MYO3A: variants seen among roughly 807,000 people sequenced by gnomAD.
The protein encoded by MYO3A is myosin-IIIa.
MYO3A carries 180 observed loss-of-function variants against 192.7 expected under a neutral mutation model. The observed-to-expected ratio is 0.93, with a 90% CI of 0.83 to 1.06. MYO3A has a LOEUF of 1.06. Ranked by LOEUF, MYO3A falls within the 50% of genes least tolerant of loss-of-function variation. The pLI, the probability that MYO3A is intolerant of heterozygous loss-of-function variation, is 0.00. For missense variants in MYO3A, 1,896 were observed against 1,905.0 expected (o/e 1.00, Z 0.09); for synonymous variants, 628 against 645.3 (o/e 0.97, Z 0.41).
intron 4 of MYO3A, 81 bp downstream of exon 4, chr10:25,955,089 T>C (rs2130584157): frequency 1.3e-6 from 2 of 1,536,066 alleles, no homozygotes; most frequent in East Asian, 4.5e-5. Context: ...TTATGTAACA[T>C]TGATATCATA....
At chr10:26,151,548 G>A (rs1334842744) in intron 23 of MYO3A, among the ~76,000 whole-genome samples, 1 of 151,602 alleles carries the variant, frequency 6.6e-6, no homozygotes, top group Non-Finnish European at 1.5e-5. Flanking sequence ...TCAACTTATT[G>A]TTTTTCTTTA....
intron 15 of MYO3A, among the ~76,000 whole-genome samples, chr10:26,091,245 T>G (rs1169659089): frequency 6.6e-6 from 1 of 152,196 alleles, no homozygotes; most frequent in Non-Finnish European, 1.5e-5. Flanking sequence ...TTTGTTCTTT[T>G]CTTCGGTTTT....
rs774488338 is a variant in MYO3A at position 26,147,517 on chromosome 10, A to G, written c.2593A>G (p.Ser865Gly). 1.2e-6 allele frequency: 2 copies of G among 1,614,054 alleles called. No individual in the cohort carries two copies. The highest frequency in any genetic ancestry group is 1.7e-5 in the Admixed American group (1 of 60,022). The change falls in exon 23 of 35, where the codon AGT becomes GGT. Residue 865 changes from serine to glycine, a missense_variant. Transcript: ENST00000642920. ...GCTACTTTTGAGGTCATCCGACAAC[A>G]GTGTAATTAGGCAACTAGTCAACCA... The part of the protein sequence containing the change: ...IVLLLRSSDN[S>G]VIRQLVNHPL...
In MYO3A at chr10:26,120,820, C is replaced by A. The variant is rs928947252; in HGVS notation, c.1903+18C>A. The A allele has an allele frequency of 6.2e-7, 1 of 1,613,514 alleles. No homozygotes were observed. Among genetic ancestry groups the A allele is most frequent in the Non-Finnish European group, 8.5e-7 (1 of 1,179,626 alleles). ...GGAGAACTGTAAGTTTTATTACCTT[C>A]TATTCAAAACTGAAATCTTTCAAAT... On this transcript the variant is annotated intron_variant, in intron 18 of 34. Transcript: ENST00000642920.
intron 17 of MYO3A, among the ~76,000 whole-genome samples, chr10:26,097,749 C>T (rs557873053): frequency 6.8e-4 from 103 of 152,272 alleles, no homozygotes; most frequent in South Asian, 1.5e-3. Flanking sequence ...GTATTCCATG[C>T]TGTATATGTA....
intron 4 of MYO3A, among the ~76,000 whole-genome samples, chr10:25,993,619 A>G (rs947947418): frequency 1.3e-5 from 2 of 152,128 alleles, no homozygotes; most frequent in African/African-American, 4.8e-5. Context: ...TGTCAATTTT[A>G]GATCTTTCCT....
intron 10 of MYO3A, among the ~76,000 whole-genome samples, chr10:26,057,393 G>T (rs368890489): frequency 6.6e-6 from 1 of 152,132 alleles, no homozygotes; most frequent in Admixed American, 6.5e-5. Context: ...AAAAAAAGGC[G>T]ATGCTTCCAC....
At chr10:26,203,257 C>G (rs1843758160) in intron 34 of MYO3A, 150 bp downstream of exon 34, 1 of 928,124 alleles carries the variant, frequency 1.1e-6, no homozygotes, top group Admixed American at 2.2e-5. Flanking sequence ...AAAGTAATGT[C>G]ATGTACAGTG....
intron 18 of MYO3A, among the ~76,000 whole-genome samples, chr10:26,122,656 T>TC (rs1564570646): frequency 6.6e-6 from 1 of 152,080 alleles, no homozygotes; most frequent in Non-Finnish European, 1.5e-5. Context: ...ACATAACCCA[T>TC]CTATCAGTGG....
Position 26,153,665 on chromosome 10 carries a change from A to C in MYO3A, c.2636-185A>C, listed in dbSNP as rs537104299. Among the ~76,000 whole-genome samples, 255 of 152,302 alleles carry C rather than the reference A, an allele frequency of 1.7e-3. 1 individual carries two copies. The highest frequency in any genetic ancestry group is 5.9e-3 in the African/African-American group (244 of 41,556). ...CTCAAGAGTTTTTTTCTGAATTTAA[A>C]ATTTGTTGTACATTTTTACATAATT... On this transcript the variant is annotated intron_variant, in intron 23 of 34. Coordinates refer to ENST00000642920, the MANE Select transcript of MYO3A (RefSeq NM_017433.5).
chr10:26,064,126 T>C (rs1170197818), intron 10 of MYO3A, among the ~76,000 whole-genome samples: 1 of 152,098 alleles, frequency 6.6e-6, no homozygotes, highest in Non-Finnish European at 1.5e-5. Flanking sequence ...GAGAAGGCAA[T>C]GGCTAAAAAT....
At position 25,988,006 on chromosome 10, in the gene MYO3A, G is replaced by A. The variant is rs568230422; in HGVS notation, c.304-8484G>A. Among the ~76,000 whole-genome samples, 7 of 152,090 alleles carry A rather than the reference G, an allele frequency of 4.6e-5. No individual in the cohort carries two copies. The South Asian group carries it at 8.3e-4, about 18-fold the overall frequency. ...GAAAATGTGATATATATATATGATC[G>A]AATACTACTCAGCCATAAAAGGGAA... On this transcript the variant is annotated intron_variant, in intron 4 of 34. Transcript: ENST00000642920.
At chr10:26,067,100 T>G (rs778785898) in intron 11 of MYO3A, 26 bp downstream of exon 11, 4 of 1,437,554 alleles carry the variant, frequency 2.8e-6, no homozygotes, top group African/African-American at 2.8e-5. Flanking sequence ...TAATTAAACT[T>G]AGACATTCCA....
At chr10:26,086,288 T>C (rs1836306188) in intron 14 of MYO3A, among the ~76,000 whole-genome samples, 2 of 152,146 alleles carry the variant, frequency 1.3e-5, no homozygotes, top group African/African-American at 4.8e-5. Context: ...AACTCAGTCA[T>C]TATCACAAGA....
At chr10:26,211,602 C>G (rs1345853014) in intron 34 of MYO3A, among the ~76,000 whole-genome samples, 1 of 150,896 alleles carries the variant, frequency 6.6e-6, no homozygotes, top group African/African-American at 2.5e-5. Flanking sequence ...TAGCACGTAT[C>G]TAAACACCAT....
In MYO3A at chr10:26,096,376, T is replaced by C; in HGVS notation, c.1563-5T>C. Reference sequence around the variant, plus strand: ...CTACCTTACTGTAAATATCTTTTTTTCCAGTGGAGAAAAAAATTTTCATAT... The same window carrying C: ...CTACCTTACTGTAAATATCTTTTTTCCCAGTGGAGAAAAAAATTTTCATAT... On this transcript the variant is annotated splice_polypyrimidine_tract_variant and splice_region_variant and intron_variant, in intron 15 of 34. Transcript: ENST00000642920. 9 of 1,588,224 alleles carry C rather than the reference T, an allele frequency of 5.7e-6. No homozygotes were observed. Among genetic ancestry groups the C allele is most frequent in the Non-Finnish European group, 7.8e-6 (9 of 1,158,368 alleles).
intron 10 of MYO3A, among the ~76,000 whole-genome samples, chr10:26,051,461 A>G (rs1487173750): frequency 6.6e-6 from 1 of 151,210 alleles, no homozygotes; most frequent in Admixed American, 6.6e-5. Flanking sequence ...TAAATTTTTA[A>G]TATACTAGAC....
chr10:26,070,068 A>G, intron 12 of MYO3A, 43 bp from the exon 13 acceptor site: 1 of 1,431,884 alleles, frequency 7.0e-7, no homozygotes. Flanking sequence ...GGACTTAAAT[A>G]AAAACAAAAA....
intron 10 of MYO3A, among the ~76,000 whole-genome samples, chr10:26,040,070 T>C (rs1843259045): frequency 6.6e-6 from 1 of 152,070 alleles, no homozygotes; most frequent in Non-Finnish European, 1.5e-5. Context: ...TGGTATGTTG[T>C]GCGAAAATTA....
Sources: gnomAD v4.1 joint callset for allele counts (sites outside exome capture counted in the v4.1 genomes callset) on GRCh38, gnomAD v4.1.1 for gene constraint, MANE v1.5 for transcripts, NCBI Gene and HGNC (gene_info 2026-07-23, HGNC 2026-07-21) for gene names.